The following SNX14 variants were observed in gnomAD, a reference collection of about 807,000 sequenced individuals.
The protein encoded by SNX14 is sorting nexin-14.
A neutral mutation model predicts 133.8 loss-of-function variants in SNX14; 93 were observed. The observed-to-expected ratio is 0.70, with a 90% CI of 0.59 to 0.83. The LOEUF (loss-of-function observed/expected upper bound fraction) is 0.83. Among genes scored for constraint, SNX14 ranks in the 40% least tolerant of loss-of-function variants. The probability of loss-of-function intolerance (pLI) is 0.00; values close to 1 mark genes in which losing one functional copy is unlikely to be tolerated. For synonymous variants in SNX14, 368 were observed against 365.6 expected, an observed-to-expected ratio of 1.01 and a Z score of -0.07; for missense variants, 945 against 1,094.9, an observed-to-expected ratio of 0.86 and a Z score of 1.93.
At position 85,567,530 on chromosome 6, in the gene SNX14, A is replaced by G. The variant is rs1426635561; in HGVS notation, c.461+4T>C. On this transcript the variant is annotated splice_donor_region_variant and intron_variant, in intron 5 of 28. Coordinates refer to ENST00000314673, the MANE Select transcript of SNX14 (RefSeq NM_153816.6). ...GAAAAAAAGATCTTATAGAAAGAAC[A>G]TACCTGTACCACGGATAAACAAAGT... is the stretch of plus-strand genomic sequence containing the variant. 1 of 1,504,764 alleles carries G rather than the reference A, an allele frequency of 6.6e-7. No homozygotes were observed. Among genetic ancestry groups the G allele is most frequent in the Non-Finnish European group, 8.8e-7 (1 of 1,133,436 alleles). The allele number at this position is 1,504,764 out of a possible 1,614,324, so 93.2% of individuals were successfully genotyped here.
At chr6:85,553,325 T>C (rs991298873) in intron 7 of SNX14, among the ~76,000 whole-genome samples, 1 of 152,210 alleles carries the variant, frequency 6.6e-6, no homozygotes, top group Non-Finnish European at 1.5e-5. Flanking sequence ...TGCCAAGCTT[T>C]TCTCCATTAG....
At chr6:85,528,759 T>C (rs1288111792) in intron 19 of SNX14, among the ~76,000 whole-genome samples, 1 of 152,102 alleles carries the variant, frequency 6.6e-6, no homozygotes, top group Non-Finnish European at 1.5e-5. Context: ...TATAAATGGC[T>C]TAAAATCACA....
chr6:85,531,966 T>C (rs969746472), intron 18 of SNX14, among the ~76,000 whole-genome samples: 1 of 152,008 alleles, frequency 6.6e-6, no homozygotes, highest in African/African-American at 2.4e-5. Context: ...AAGTTGAGGC[T>C]GTAGTGAGCC....
intron 1 of SNX14, among the ~76,000 whole-genome samples, chr6:85,589,906 A>G (rs1226608239): frequency 6.6e-6 from 1 of 152,158 alleles, no homozygotes; most frequent in Non-Finnish European, 1.5e-5. Context: ...TCCTTTCCAT[A>G]GAGTACCATG....
chr6:85,514,279 G>C, intron 24 of SNX14, 45 bp from the exon 25 acceptor site: 1 of 1,558,072 alleles, frequency 6.4e-7, no homozygotes, highest in Non-Finnish European at 8.6e-7. Flanking sequence ...CAGATGAATT[G>C]GTATTTTTGA....
intron 1 of SNX14, among the ~76,000 whole-genome samples, chr6:85,588,457 G>A (rs1801713558): frequency 6.6e-6 from 1 of 151,742 alleles, no homozygotes; most frequent in African/African-American, 2.4e-5. Context: ...GGCGCCTGTA[G>A]TCCCAGCTAC....
chr6:85,530,257 T>C lies in SNX14; in HGVS notation c.1829A>G (p.His610Arg), dbSNP rs762048093. ...AAGATATCTTCTATAGACAGACCAA[T>C]GTTCAGGCTCGTGTCCAACTGTAAA... ...DRRAVGHEPEHWSVYRRYLEF... is the reference protein window; with the variant it reads ...DRRAVGHEPERWSVYRRYLEF... The change falls in exon 19 of 29, where the codon CAT becomes CGT. Residue 610 changes from histidine to arginine, a missense_variant. Coordinates refer to ENST00000314673, the MANE Select transcript of SNX14 (RefSeq NM_153816.6). 6.2e-6 allele frequency: 10 copies of C among 1,600,972 alleles called. No individual in the cohort carries two copies. The highest frequency in any genetic ancestry group is 8.5e-6 in the Non-Finnish European group (10 of 1,174,104).
At chr6:85,540,987 G>A (rs545850153) in intron 15 of SNX14, among the ~76,000 whole-genome samples, 2 of 149,654 alleles carry the variant, frequency 1.3e-5, no homozygotes, top group Non-Finnish European at 3.0e-5. Context: ...AGTTAAAAGA[G>A]TTTCTTAACT....
intron 23 of SNX14, 123 bp downstream of exon 23, chr6:85,517,633 C>A: frequency 1.7e-6 from 2 of 1,162,420 alleles, no homozygotes; most frequent in Non-Finnish European, 2.3e-6. Flanking sequence ...CTGATTTCCA[C>A]ATAAAGGAAA....
At position 85,518,948 on chromosome 6, in the gene SNX14, C is replaced by T. The variant is rs562290871; in HGVS notation, c.2108-900G>A. 3.3e-5 allele frequency among the ~76,000 whole-genome samples: 5 copies of T among 152,358 alleles called. No homozygotes were observed. In the East Asian group the frequency reaches 7.7e-4, roughly 23 times the overall value. On this transcript the variant is annotated intron_variant, in intron 21 of 28. Coordinates refer to ENST00000314673, the MANE Select transcript of SNX14 (RefSeq NM_153816.6). ...ATTCAAATCTCTAATCTCTGCCTGT[C>T]TCCTGGACTCTCCTGCTTTATAAAA... is the stretch of plus-strand genomic sequence containing the variant.
intron 28 of SNX14, 56 bp from the exon 29 acceptor site, chr6:85,506,061 T>C (rs1228595187): frequency 7.9e-6 from 9 of 1,140,044 alleles, no homozygotes; most frequent in Non-Finnish European, 1.2e-5. Context: ...CATTTGTAAA[T>C]TGCCTAACAG....
At chr6:85,519,087 G>A (rs1338447879) in intron 21 of SNX14, among the ~76,000 whole-genome samples, 1 of 152,090 alleles carries the variant, frequency 6.6e-6, no homozygotes, top group Non-Finnish European at 1.5e-5. Context: ...GATCATCCCT[G>A]ATCATTTCTT....
Position 85,549,931 on chromosome 6 carries a change from T to C in SNX14, c.635-52A>G, listed in dbSNP as rs192636091. On this transcript the variant is annotated intron_variant, in intron 7 of 28. Transcript: ENST00000314673. ...AACAAGTTAAGTGACATTAAATAAT[T>C]TCGGTCATTTCCACTAACAAATAGA... 2.0e-6 allele frequency: 3 copies of C among 1,494,182 alleles called. No individual in the cohort carries two copies. The African/African-American group carries it at 4.2e-5, about 21-fold the overall frequency. 92.6% of individuals were successfully genotyped at this position (1,494,182 alleles called of 1,614,324 possible).
intron 5 of SNX14, among the ~76,000 whole-genome samples, chr6:85,566,831 CTTAT>C (rs1246223949): frequency 1.3e-5 from 2 of 152,068 alleles, no homozygotes; most frequent in African/African-American, 4.8e-5. Flanking sequence ...ACACATGATG[CTTAT>C]TTAAGAAAAT....
rs1269230734 is a variant in SNX14 at position 85,593,801 on chromosome 6, C to T, written c.-83G>A. 3 of 1,584,336 alleles carry T rather than the reference C, an allele frequency of 1.9e-6. No homozygotes were observed. Among genetic ancestry groups the T allele is most frequent in the Middle Eastern group, 1.7e-4 (1 of 5,962 alleles). ...CCCCATCCACACCTCGCGTCCCCGC[C>T]CCACCGACTTGGCGGCGCACACAGA... On this transcript the variant is annotated 5_prime_UTR_variant, in exon 1 of 29. Transcript: ENST00000314673.
intron 1 of SNX14, 76 bp downstream of exon 1, chr6:85,593,503 A>G: frequency 2.0e-6 from 3 of 1,502,436 alleles, no homozygotes; most frequent in Middle Eastern, 2.4e-4. Flanking sequence ...CGGCCTCCGC[A>G]CGGTTAAGCA....
intron 1 of SNX14, among the ~76,000 whole-genome samples, chr6:85,590,102 G>T (rs1169756847): frequency 6.6e-6 from 1 of 152,184 alleles, no homozygotes; most frequent in African/African-American, 2.4e-5. Context: ...GGTACTTTCT[G>T]ACTTCAGGGA....
At chr6:85,590,554 C>G (rs1183889109) in intron 1 of SNX14, among the ~76,000 whole-genome samples, 2 of 152,218 alleles carry the variant, frequency 1.3e-5, no homozygotes, top group Non-Finnish European at 2.9e-5. Flanking sequence ...TGTTGGTCAG[C>G]AGAGGCTTTT....
intron 1 of SNX14, among the ~76,000 whole-genome samples, chr6:85,587,590 C>T (rs1336440744): frequency 1.3e-5 from 2 of 152,172 alleles, no homozygotes; most frequent in Admixed American, 1.3e-4. Flanking sequence ...CCACCTCAGC[C>T]TCCTGGGTAG....
Sources: allele counts gnomAD v4.1 joint callset (sites outside exome capture counted in the v4.1 genomes callset), GRCh38; gene constraint gnomAD v4.1.1; transcripts MANE v1.5; gene names NCBI Gene and HGNC (gene_info 2026-07-23, HGNC 2026-07-21).